Variants in ATG4C observed in about 807,000 individuals in gnomAD.
ATG4C encodes the protein autophagy related 4C cysteine peptidase, also known as cysteine protease ATG4C.
Under a neutral mutation model 57.6 loss-of-function variants are expected in ATG4C, and 56 were observed. The ratio of observed to expected loss-of-function variants is 0.97; its 90% CI spans 0.78 to 1.21. ATG4C has a LOEUF of 1.21. Ranked by LOEUF, ATG4C falls within the 50% of genes most tolerant of loss-of-function variation. The pLI is 0.00. For synonymous variants in ATG4C, 157 were observed against 174.1 expected, an observed-to-expected ratio of 0.90 and a Z score of 0.78; for missense variants, 595 against 529.8, an observed-to-expected ratio of 1.12 and a Z score of -1.21.
intron 6 of ATG4C, among the ~76,000 whole-genome samples, chr1:62,823,816 T>C (rs1388677026): frequency 6.6e-6 from 1 of 152,138 alleles, no homozygotes; most frequent in East Asian, 1.9e-4. Context: ...GAATGCTTTT[T>C]ATTATTAGAA....
intron 10 of ATG4C, among the ~76,000 whole-genome samples, chr1:62,844,026 A>C (rs1666250744): frequency 6.6e-6 from 1 of 152,118 alleles, no homozygotes; most frequent in South Asian, 2.1e-4. Context: ...AGGGAAAGAG[A>C]AGGTTACTTC....
At chr1:62,794,736 A>G (rs1310736961) in intron 1 of ATG4C, among the ~76,000 whole-genome samples, 3 of 152,318 alleles carry the variant, frequency 2.0e-5, no homozygotes, top group East Asian at 1.9e-4. Flanking sequence ...CAAACTGACC[A>G]TTTATAGAGT....
chr1:62,839,172 C>T (rs1489019991), intron 9 of ATG4C, among the ~76,000 whole-genome samples: 6 of 152,218 alleles, frequency 3.9e-5, no homozygotes, highest in Admixed American at 2.6e-4. Flanking sequence ...AATTCTCCCA[C>T]CTAAGCCTCC....
chr1:62,844,116 G>C (rs1330636361), intron 10 of ATG4C, among the ~76,000 whole-genome samples: 1 of 151,572 alleles, frequency 6.6e-6, no homozygotes, highest in African/African-American at 2.4e-5. Flanking sequence ...GTCCAACTTG[G>C]TAGGTGCCAA....
At position 62,819,100 on chromosome 1, in the gene ATG4C, T is replaced by C. The variant is rs1043315188; in HGVS notation, c.490T>C (p.Ser164Pro). 4.3e-6 allele frequency: 7 copies of C among 1,612,448 alleles called. No homozygotes were observed. The highest frequency in any genetic ancestry group is 1.3e-5 in the African/African-American group (1 of 74,836). ...VKKFTASFEA[S>P]LSGEREFKTP... Reference sequence around the variant, plus strand: ...AAAATTTACTGCATCATTTGAAGCATCACTTTCAGGGGAAAGAGAATTCAA... The same window carrying C: ...AAAATTTACTGCATCATTTGAAGCACCACTTTCAGGGGAAAGAGAATTCAA... Residue 164 changes from serine to proline, a missense_variant, in exon 5 of 11, where the codon TCA becomes CCA. Ser to Pro is a moderately conservative substitution (Grantham distance 74). Transcript: ENST00000317868.
At chr1:62,817,682 T>C (rs1332805429) in intron 4 of ATG4C, among the ~76,000 whole-genome samples, 1 of 152,178 alleles carries the variant, frequency 6.6e-6, no homozygotes, top group Non-Finnish European at 1.5e-5. Flanking sequence ...CATGCAGTTT[T>C]AGACCCTAAA....
At chr1:62,845,600 CAAAG>C (rs1300217341) in intron 10 of ATG4C, among the ~76,000 whole-genome samples, 1 of 152,040 alleles carries the variant, frequency 6.6e-6, no homozygotes, top group Non-Finnish European at 1.5e-5. Flanking sequence ...AATTTTGTAT[CAAAG>C]AAATCTTTAA....
intron 10 of ATG4C, among the ~76,000 whole-genome samples, chr1:62,850,689 C>T (rs1221076757): frequency 6.6e-6 from 1 of 151,818 alleles, no homozygotes; most frequent in African/African-American, 2.4e-5. Context: ...TCTCTCCCTT[C>T]TTTCAGATCT....
chr1:62,800,743 T>C (rs541807282), intron 1 of ATG4C, among the ~76,000 whole-genome samples: 50 of 152,358 alleles, frequency 3.3e-4, no homozygotes, highest in African/African-American at 1.2e-3. Context: ...AGTTCACTGA[T>C]TCCTTTAATA....
At chr1:62,862,384 G>T (rs968796133) in intron 10 of ATG4C, among the ~76,000 whole-genome samples, 4 of 152,080 alleles carry the variant, frequency 2.6e-5, no homozygotes, top group African/African-American at 9.7e-5. Context: ...ACTCTGCTGT[G>T]TTGATCTGAA....
rs199541579 is a variant in ATG4C, at chr1:62,816,706, A to G, written c.292A>G (p.Ile98Val). The G allele has an allele frequency of 8.7e-6, 14 of 1,613,786 alleles. No individual in the cohort carries two copies. Among genetic ancestry groups the G allele is most frequent in the East Asian group, 2.2e-5 (1 of 44,882 alleles). Residue 98 changes from isoleucine to valine, a missense_variant, in exon 4 of 11, where the codon ATA (isoleucine) becomes GTA (valine). Transcript: ENST00000317868. ...WLTYREEFPQIEGSALTTDCG... is the reference protein window; with the variant it reads ...WLTYREEFPQVEGSALTTDCG... ...GACCTACAGGGAAGAATTCCCTCAA[A>G]TAGAAGGCTCAGCTTTGACAACAGA...
chr1:62,849,723 G>C (rs762628502), intron 10 of ATG4C, among the ~76,000 whole-genome samples: 3 of 151,888 alleles, frequency 2.0e-5, no homozygotes, highest in Non-Finnish European at 2.9e-5. Flanking sequence ...TGTTGGCTAG[G>C]CTGGTCTCAA....
At chr1:62,837,075 A>G (rs1173009874) in intron 9 of ATG4C, among the ~76,000 whole-genome samples, 2 of 151,950 alleles carry the variant, frequency 1.3e-5, no homozygotes, top group East Asian at 3.9e-4. Context: ...GGACTTTCCT[A>G]AGCCCTTGAG....
In ATG4C at chr1:62,791,870, A is replaced by ATGCTCCTAGACATTAGACC. The variant is rs369185595; in HGVS notation, c.-69+7600_-69+7618dup. Among the ~76,000 whole-genome samples the ATGCTCCTAGACATTAGACC allele has an allele frequency of 5.5e-3, 839 of 152,246 alleles. 11 individuals are homozygous for ATGCTCCTAGACATTAGACC. The highest frequency in any genetic ancestry group is 0.019 in the African/African-American group (790 of 41,526). ...CCCTGTTTCAGCTAATGGAACCATT[A>ATGCTCCTAGACATTAGACC]TGCTCCTAGACATTAGACCTGAAAT... On this transcript the variant is annotated intron_variant, in intron 1 of 10. Coordinates refer to ENST00000317868, the MANE Select transcript of ATG4C (RefSeq NM_032852.4).
At chr1:62,796,834 G>A (rs888751377) in intron 1 of ATG4C, among the ~76,000 whole-genome samples, 3 of 152,158 alleles carry the variant, frequency 2.0e-5, no homozygotes, top group South Asian at 2.1e-4. Flanking sequence ...TGGGCTGGGC[G>A]CGGTGGCTCA....
chr1:62,789,781 C>T (rs1490564943), intron 1 of ATG4C, among the ~76,000 whole-genome samples: 1 of 152,060 alleles, frequency 6.6e-6, no homozygotes, highest in Non-Finnish European at 1.5e-5. Flanking sequence ...CGCGCCACTG[C>T]ACTCCAGCCT....
At chr1:62,850,901 T>C (rs7518509) in intron 10 of ATG4C, among the ~76,000 whole-genome samples, 811 of 51,466 alleles carry the variant, frequency 0.016, 17 homozygotes, top group African/African-American at 0.054. Flanking sequence ...TATATATATA[T>C]ACATACACAT....
intron 1 of ATG4C, among the ~76,000 whole-genome samples, chr1:62,797,594 CT>C (rs1281990610): frequency 1.3e-5 from 2 of 151,656 alleles, no homozygotes; most frequent in Non-Finnish European, 1.5e-5. Context: ...TTCCAATTGC[CT>C]TTTTTTCTGT....
intron 1 of ATG4C, among the ~76,000 whole-genome samples, chr1:62,795,899 G>A (rs994810907): frequency 2.0e-5 from 3 of 151,114 alleles, no homozygotes; most frequent in Non-Finnish European, 4.4e-5. Flanking sequence ...TAATTCATAA[G>A]CGCCTTCTAA....
Sources: gnomAD v4.1 joint callset for allele counts (sites outside exome capture counted in the v4.1 genomes callset) on GRCh38, gnomAD v4.1.1 for gene constraint, MANE v1.5 for transcripts, NCBI Gene and HGNC (gene_info 2026-07-23, HGNC 2026-07-21) for gene names.